The following A2M variants were observed in gnomAD, a reference collection of about 807,000 sequenced individuals.
The protein encoded by A2M is alpha-2-macroglobulin, also known as C3 and PZP-like alpha-2-macroglobulin domain-containing protein 5.
A neutral mutation model predicts 183.9 loss-of-function variants in A2M; 128 were observed. The observed-to-expected ratio is 0.70, with a 90% CI of 0.60 to 0.81. The LOEUF (loss-of-function observed/expected upper bound fraction) is 0.81. A2M is among the 30% of genes least tolerant of loss of function. A2M has a pLI of 0.00. For missense variants in A2M, 1,495 were observed against 1,787.6 expected (o/e 0.84, Z 2.95); for synonymous variants, 592 against 670.8 (o/e 0.88, Z 1.81).
rs201769751 is a variant in A2M, at chr12:9,112,202, C to T, written c.440G>A (p.Arg147His). The T allele has an allele frequency of 2.5e-4, 401 of 1,613,778 alleles. No individual in the cohort carries two copies. The highest frequency in any genetic ancestry group is 4.3e-4 in the African/African-American group (32 of 75,018). Residue 147 changes from arginine to histidine, a missense_variant, in exon 4 of 36, where the codon CGT becomes CAT. By Grantham distance (29) the Arg-to-His change is conservative. Coordinates refer to ENST00000318602, the MANE Select transcript of A2M (RefSeq NM_000014.6). ...IYKPGQTVKFRVVSMDENFHP... is the reference protein window; with the variant it reads ...IYKPGQTVKFHVVSMDENFHP... ...AAAGTTTTCATCCATGGAGACAACA[C>T]GAAATTTCACTGAAACAGAAATATT...
rs770383444 is a variant in A2M at position 9,090,085 on chromosome 12, A to C, written c.2597-62T>G. 3.5e-5 allele frequency: 55 copies of C among 1,550,434 alleles called. No individual in the cohort carries two copies. In the East Asian group the frequency reaches 1.2e-3, roughly 34 times the overall value. The stretch of plus-strand genomic sequence containing the variant: ...CCCCTTCCTCCATGCCTCCAAACTC[A>C]AGATTTAGAAATGTTCAATGCTCTG... On this transcript the variant is annotated intron_variant, in intron 20 of 35. Transcript: ENST00000318602.
rs1937813765 is a variant in A2M at position 9,101,207 on chromosome 12, T to G, written c.1495A>C (p.Ile499Leu). 3.2e-6 allele frequency: 5 copies of G among 1,557,064 alleles called. No homozygotes were observed. Among genetic ancestry groups the G allele is most frequent in the Non-Finnish European group, 3.5e-6 (4 of 1,149,784 alleles). ...GLKKLSFYYL[I>L]MAKGGIVRTG... is the part of the protein sequence containing the mutation. ...CGGACAATGCCTCCCTTTGCCATTA[T>G]CTGCAAAAAAGGAAATAAAAAGAAA... is the stretch of plus-strand genomic sequence containing the variant. Residue 499 changes from isoleucine to leucine, a missense_variant and splice_region_variant, in exon 13 of 36, where the codon ATA becomes CTA. Physicochemically the swap from Ile to Leu is conservative, Grantham distance 5. Transcript: ENST00000318602.
chr12:9,112,474 G>T lies in A2M; in HGVS notation c.333C>A (p.Thr111=). 6.2e-7 allele frequency: 1 copy of T among 1,613,756 alleles called. No homozygotes were observed. The highest frequency in any genetic ancestry group is 8.5e-7 in the Non-Finnish European group (1 of 1,179,816). Residue 111 remains threonine (T), a synonymous_variant, in exon 3 of 36, where the codon ACC becomes ACA. Transcript: ENST00000318602. ...CTGTGGTCCGCTTCTTAAATTCTTG[G>T]GTTGGTCCTTTCACTTGGACAGTGA... ...MFLTVQVKGP[T]QEFKKRTTVM...
intron 11 of A2M, among the ~76,000 whole-genome samples, chr12:9,103,426 A>T (rs2137901983): frequency 6.6e-6 from 1 of 152,172 alleles, no homozygotes; most frequent in East Asian, 1.9e-4. Flanking sequence ...AAACACACAC[A>T]CACACACAAC....
intron 28 of A2M, among the ~76,000 whole-genome samples, chr12:9,075,238 A>G (rs749976921): frequency 3.3e-5 from 5 of 152,362 alleles, no homozygotes; most frequent in Middle Eastern, 3.4e-3. Context: ...TGAAATACCA[A>G]AGGCTGACAT....
chr12:9,070,460 G>A, intron 32 of A2M, 28 bp downstream of exon 32: 1 of 1,466,478 alleles, frequency 6.8e-7, no homozygotes, highest in Non-Finnish European at 9.5e-7. Context: ...AAATAAAATA[G>A]GGCAGTCTGG....
Position 9,072,485 on chromosome 12 carries a change from GTC to G in A2M, c.3976-1_3976del. On this transcript the variant is annotated splice_acceptor_variant and coding_sequence_variant, in exon 31 of 36. Coordinates refer to ENST00000318602, the MANE Select transcript of A2M (RefSeq NM_000014.6). LOFTEE classifies it high-confidence loss of function. Reference sequence around the variant, plus strand: ...TGGGAGAATATTGTATTTCAAGGATGTCTATAGAACATCAAAGACAAAATCAG... The same window carrying G: ...TGGGAGAATATTGTATTTCAAGGATGTATAGAACATCAAAGACAAAATCAG... The G allele has an allele frequency of 6.2e-7, 1 of 1,611,594 alleles. No homozygotes were observed. Among genetic ancestry groups the G allele is most frequent in the South Asian group, 1.1e-5 (1 of 90,594 alleles).
chr12:9,113,464 C>CA lies in A2M; in HGVS notation c.165dup (p.Glu56Ter), dbSNP rs761438848. 1.2e-6 allele frequency: 2 copies of CA among 1,613,770 alleles called. No homozygotes were observed. The highest frequency in any genetic ancestry group is 1.7e-6 in the Non-Finnish European group (2 of 1,179,930). On this transcript the variant is annotated frameshift_variant, in exon 2 of 36. Coordinates refer to ENST00000318602, the MANE Select transcript of A2M (RefSeq NM_000014.6). LOFTEE classifies it high-confidence loss of function. ...AAGGAAGCACTTACAGTCACTGTCT[C>CA]ATTCAGGTAGCTCAGAAGGACACAG...
Position 9,068,793 on chromosome 12 carries a change from G to T in A2M, c.4313C>A (p.Pro1438Gln). The T allele has an allele frequency of 6.2e-7, 1 of 1,609,082 alleles. No individual in the cohort carries two copies. Among genetic ancestry groups the T allele is most frequent in the Non-Finnish European group, 8.5e-7 (1 of 1,177,750 alleles). The change falls in exon 34 of 36, where the codon CCA becomes CAA. Residue 1438 changes from proline (P) to glutamine (Q), a missense_variant. Coordinates refer to ENST00000318602, the MANE Select transcript of A2M (RefSeq NM_000014.6). ...TATGGCTGGTTTCAGATCTCTTACTGGGACATCTTGCAGAACCGTGAAGAA... is the reference window on the plus strand; with the variant it reads ...TATGGCTGGTTTCAGATCTCTTACTTGGACATCTTGCAGAACCGTGAAGAA... ...SLFFTVLQDV[P>Q]VRDLKPAIVK...
intron 8 of A2M, 87 bp downstream of exon 8, chr12:9,107,437 C>T: frequency 6.6e-7 from 1 of 1,508,214 alleles, no homozygotes; most frequent in Middle Eastern, 1.9e-4. Flanking sequence ...AGATTGTTCT[C>T]TTCCTGCGTC....
intron 3 of A2M, 74 bp from the exon 4 acceptor site, chr12:9,112,285 G>T: frequency 6.2e-7 from 1 of 1,605,772 alleles, no homozygotes; most frequent in South Asian, 1.1e-5. Flanking sequence ...AGCTATTAAG[G>T]AACCAAGATT....
rs772977887 is a variant in A2M at position 9,104,431 on chromosome 12, T to C, written c.1105-31A>G. The stretch of plus-strand genomic sequence containing the variant: ...GATTAAAAGCTGTGGATTAGTTATA[T>C]TGGTAATAACTAATAGGCACCAAAC... On this transcript the variant is annotated intron_variant, in intron 10 of 35. Transcript: ENST00000318602. The C allele has an allele frequency of 4.5e-6, 7 of 1,553,602 alleles. No individual in the cohort carries two copies. The African/African-American group carries it at 9.5e-5, about 21-fold the overall frequency.
chr12:9,077,062 T>C (rs186987134), intron 27 of A2M, 126 bp from the exon 28 acceptor site: 21 of 780,610 alleles, frequency 2.7e-5, no homozygotes, highest in African/African-American at 2.4e-4. Context: ...CTCATTCTTA[T>C]CAATAGATAT....
chr12:9,109,489 CTAA>C (rs1180371238), intron 6 of A2M, 84 bp from the exon 7 acceptor site: 6 of 1,026,294 alleles, frequency 5.8e-6, no homozygotes, highest in East Asian at 2.5e-5. Context: ...TAACAGTTCC[CTAA>C]TAATATTTTA....
At chr12:9,109,697 T>G (rs907800882) in intron 6 of A2M, among the ~76,000 whole-genome samples, 170 bp downstream of exon 6, 1 of 152,108 alleles carries the variant, frequency 6.6e-6, no homozygotes, top group Admixed American at 6.5e-5. Flanking sequence ...CTATGTGAAG[T>G]CCTATTCACA....
At chr12:9,080,312 C>T (rs961432354) in intron 22 of A2M, 135 bp from the exon 23 acceptor site, 5 of 486,818 alleles carry the variant, frequency 1.0e-5, no homozygotes, top group African/African-American at 8.0e-5. Context: ...TTTAATACAA[C>T]AGTAATATAT....
intron 26 of A2M, 128 bp from the exon 27 acceptor site, chr12:9,077,548 A>G: frequency 1.4e-6 from 2 of 1,462,998 alleles, no homozygotes; most frequent in Non-Finnish European, 1.9e-6. Flanking sequence ...AAGTATCACA[A>G]TCAACTTTTG....
chr12:9,078,543 T>G (rs761712333), intron 25 of A2M, among the ~76,000 whole-genome samples: 52 of 152,346 alleles, frequency 3.4e-4, no homozygotes, highest in Non-Finnish European at 6.6e-4. Context: ...TATATTCCTT[T>G]GGGTATATAC....
chr12:9,110,120 C>T (rs1319941639), intron 5 of A2M, 85 bp from the exon 6 acceptor site: 3 of 1,459,896 alleles, frequency 2.1e-6, no homozygotes, highest in Non-Finnish European at 2.8e-6. Context: ...CCTAAGTTAT[C>T]TACAAAAAGG....
Sources: allele counts gnomAD v4.1 joint callset (sites outside exome capture counted in the v4.1 genomes callset), GRCh38; gene constraint gnomAD v4.1.1; transcripts MANE v1.5; gene names NCBI Gene and HGNC (gene_info 2026-07-23, HGNC 2026-07-21).